The following ZNF778 variants were observed in gnomAD, a reference collection of about 807,000 sequenced individuals.
ZNF778 encodes zinc finger protein 778.
Under a neutral mutation model 23.9 loss-of-function variants are expected in ZNF778, and 37 were observed. The observed-to-expected ratio is 1.54, with a 90% CI of 1.19 to 2.03. The LOEUF (loss-of-function observed/expected upper bound fraction) is 2.03. Ranked by LOEUF, ZNF778 falls within the 30% of genes most tolerant of loss-of-function variation. The pLI is 0.00. For synonymous variants in ZNF778, 483 were observed against 343.9 expected (o/e 1.40, Z -4.48); for missense variants, 1,297 against 934.4 (o/e 1.39, Z -5.06).
rs2031810355 is a variant in ZNF778 at position 89,229,752 on chromosome 16, G to A, written c.*1190G>A. 1 of 984,110 alleles carries A rather than the reference G, an allele frequency of 1.0e-6. No individual in the cohort carries two copies. The highest frequency in any genetic ancestry group is 1.8e-5 in the African/African-American group (1 of 56,734). The allele number at this position is 984,110 out of a possible 1,614,324, so 61.0% of individuals were successfully genotyped here. On this transcript the variant is annotated 3_prime_UTR_variant, in exon 7 of 7. Transcript: ENST00000433976. Reference sequence around the variant, plus strand: ...GTGTGAGCAGCGTAGGCTCTGGTTGGTTAGTCTTGAGGATCCAGATGTGAT... The same window carrying A: ...GTGTGAGCAGCGTAGGCTCTGGTTGATTAGTCTTGAGGATCCAGATGTGAT...
At chr16:89,224,612 CTG>C in intron 4 of ZNF778, 105 bp from the exon 5 acceptor site, 2 of 809,820 alleles carry the variant, frequency 2.5e-6, no homozygotes, top group South Asian at 3.0e-5. Context: ...GCGCGAGACG[CTG>C]TCTCAAAAAA....
In ZNF778 at chr16:89,221,878, C is replaced by T. The variant is rs574885162; in HGVS notation, c.26-214C>T. ...TGGCTGTGTGTGTGTGTGTGTTTTC[C>T]TGAGGTACTGTATGGCTTTGTGTGT... is the stretch of plus-strand genomic sequence containing the variant. On this transcript the variant is annotated intron_variant, in intron 2 of 6. Transcript: ENST00000433976. Among the ~76,000 whole-genome samples the T allele has an allele frequency of 3.5e-4, 53 of 150,876 alleles. No individual in the cohort carries two copies. In the South Asian group the frequency reaches 9.8e-3, roughly 28 times the overall value.
chr16:89,226,625 C>T (rs902952612), intron 6 of ZNF778, 69 bp from the exon 7 acceptor site: 7 of 1,385,464 alleles, frequency 5.1e-6, no homozygotes, highest in Non-Finnish European at 6.9e-6. Context: ...CATGCTCTGT[C>T]TTCAGCTGGG....
rs532208293 is a variant in ZNF778 at position 89,236,508 on chromosome 16, C to T, written c.*7946C>T. On this transcript the variant is annotated 3_prime_UTR_variant, in exon 7 of 7. Coordinates refer to ENST00000433976, the MANE Select transcript of ZNF778 (RefSeq NM_001201407.2). The stretch of plus-strand genomic sequence containing the variant: ...GGTTACAGAAAACTCTTAAGGAAAC[C>T]TGGAACAAAGGAAAAGCAATAGAAG... 3 of 152,076 alleles carry T rather than the reference C, an allele frequency of 2.0e-5. No homozygotes were observed. Among genetic ancestry groups the T allele is most frequent in the Non-Finnish European group, 4.4e-5 (3 of 68,022 alleles). The allele number at this position is 152,076 out of a possible 1,614,324, so 9.4% of individuals were successfully genotyped here.
chr16:89,232,818 A>T lies in ZNF778; in HGVS notation c.*4256A>T, dbSNP rs761759522. 1.9e-5 allele frequency: 25 copies of T among 1,288,854 alleles called. No homozygotes were observed. The highest frequency in any genetic ancestry group is 2.1e-5 in the Non-Finnish European group (21 of 988,812). 79.8% of individuals were successfully genotyped at this position (1,288,854 alleles called of 1,614,324 possible). On this transcript the variant is annotated 3_prime_UTR_variant, in exon 7 of 7. Coordinates refer to ENST00000433976, the MANE Select transcript of ZNF778 (RefSeq NM_001201407.2). ...ATCAACTCACTGCATATGCAACTCA[A>T]CTCACACCGTATATGCAACTCAACT...
rs2151644074 is a variant in ZNF778, at chr16:89,236,681, A to G, written c.*8119A>G. 6.6e-6 allele frequency: 1 copy of G among 152,360 alleles called. No individual in the cohort carries two copies. The allele number at this position is 152,360 out of a possible 1,614,324, so 9.4% of individuals were successfully genotyped here. ...AACTACAACATGAAGGTGAGGGGCA[A>G]CGTGGCTGGACGGCGTGGAGGTTCC... On this transcript the variant is annotated 3_prime_UTR_variant, in exon 7 of 7. Transcript: ENST00000433976.
chr16:89,234,005 C>T lies in ZNF778; in HGVS notation c.*5443C>T. ...CTTCATCCTGCCCTGTCCTGCCTTT[C>T]CTGTGAAAACCCTGTGGCCTCTGCC... On this transcript the variant is annotated 3_prime_UTR_variant, in exon 7 of 7. Transcript: ENST00000433976. The T allele has an allele frequency of 8.6e-7, 1 of 1,167,488 alleles. No individual in the cohort carries two copies. Among genetic ancestry groups the T allele is most frequent in the Non-Finnish European group, 1.1e-6 (1 of 877,526 alleles). 72.3% of individuals were successfully genotyped at this position (1,167,488 alleles called of 1,614,324 possible).
rs1278959831 is a variant in ZNF778 at position 89,233,511 on chromosome 16, T to C, written c.*4949T>C. 2.8e-5 allele frequency: 35 copies of C among 1,254,334 alleles called. No homozygotes were observed. Among genetic ancestry groups the C allele is most frequent in the African/African-American group, 1.0e-4 (6 of 59,912 alleles). The allele number at this position is 1,254,334 out of a possible 1,614,324, so 77.7% of individuals were successfully genotyped here. A position where few individuals can be genotyped will look rare whatever the true frequency, so the allele number is the denominator to read the frequency against. The stretch of plus-strand genomic sequence containing the variant: ...TGCGTATGCAACTCAGCTTGCTCTG[T>C]GTATGCAACTCAACTCGCACTGCGT... On this transcript the variant is annotated 3_prime_UTR_variant, in exon 7 of 7. Coordinates refer to ENST00000433976, the MANE Select transcript of ZNF778 (RefSeq NM_001201407.2).
Position 89,233,867 on chromosome 16 carries a change from C to T in ZNF778, c.*5305C>T, listed in dbSNP as rs764416540. On this transcript the variant is annotated 3_prime_UTR_variant, in exon 7 of 7. Transcript: ENST00000433976. ...GGCCACTTCCTTTTTCTAACTACCACACCAAGCCAGTATTTCTCCTCCCTG... is the reference window on the plus strand; with the variant it reads ...GGCCACTTCCTTTTTCTAACTACCATACCAAGCCAGTATTTCTCCTCCCTG... The T allele has an allele frequency of 3.1e-6, 4 of 1,289,964 alleles. No individual in the cohort carries two copies. Among genetic ancestry groups the T allele is most frequent in the Non-Finnish European group, 4.0e-6 (4 of 989,196 alleles). The allele number at this position is 1,289,964 out of a possible 1,614,324, so 79.9% of individuals were successfully genotyped here.
chr16:89,221,331 G>C (rs1345529202), intron 2 of ZNF778, among the ~76,000 whole-genome samples, 179 bp downstream of exon 2: 1 of 152,190 alleles, frequency 6.6e-6, no homozygotes, highest in East Asian at 1.9e-4. Context: ...TTTGGGGAGG[G>C]ATGATGTGTA....
In ZNF778 at chr16:89,227,662, C is replaced by T. The variant is rs1398653105; in HGVS notation, c.1374C>T (p.Phe458=). ...CGTGTAAGGACTGCGGGAAAGCCTT[C>T]TGTACATCCTCGGGCCTTACTGAGC... The part of the protein sequence containing the change: ...PYTCKDCGKA[F]CTSSGLTEHV... Residue 458 remains phenylalanine (F), a synonymous_variant, in exon 7 of 7, where the codon TTC becomes TTT. Transcript: ENST00000433976. 13 of 1,614,166 alleles carry T rather than the reference C, an allele frequency of 8.1e-6. No homozygotes were observed. The highest frequency in any genetic ancestry group is 1.1e-5 in the Non-Finnish European group (13 of 1,180,014).
In ZNF778 at chr16:89,227,606, G is replaced by C; in HGVS notation, c.1318G>C (p.Val440Leu). The change falls in exon 7 of 7, where the codon GTA becomes CTA. Residue 440 changes from valine to leucine, a missense_variant. Transcript: ENST00000433976. ...TGTGCGCTGTGGCCTTACTAGACAC[G>C]TACGAACACACACGGGCGAGAAGCC... ...FTVRCGLTRHVRTHTGEKPYT... is the reference protein window; with the variant it reads ...FTVRCGLTRHLRTHTGEKPYT... 6.2e-7 allele frequency: 1 copy of C among 1,614,102 alleles called. No homozygotes were observed. The highest frequency in any genetic ancestry group is 8.5e-7 in the Non-Finnish European group (1 of 1,180,002).
Position 89,227,447 on chromosome 16 carries a change from C to CA in ZNF778, c.1160dup (p.His387GlnfsTer17), listed in dbSNP as rs1448082268. On this transcript the variant is annotated frameshift_variant, in exon 7 of 7. Coordinates refer to ENST00000433976, the MANE Select transcript of ZNF778 (RefSeq NM_001201407.2). LOFTEE classifies it low-confidence loss of function (END_TRUNC). ...TCTACTGAATGAGCATGGAAAAACT[C>CA]ACACGAGGGAGAAGCCCTTTGCATG... 1.9e-6 allele frequency: 3 copies of CA among 1,613,770 alleles called. No individual in the cohort carries two copies. The highest frequency in any genetic ancestry group is 8.5e-7 in the Non-Finnish European group (1 of 1,179,880).
intron 5 of ZNF778, among the ~76,000 whole-genome samples, chr16:89,225,088 T>A (rs1197791847): frequency 7.0e-6 from 1 of 143,718 alleles, no homozygotes; most frequent in East Asian, 2.0e-4. Flanking sequence ...AAAAACCTGC[T>A]GTTTTGTTCT....
rs2031636150 is a variant in ZNF778 at position 89,227,844 on chromosome 16, G to A, written c.1556G>A (p.Gly519Asp). ...GGCAAAGCCTTCACAGGGCGCTCAGGCCTCACTAAACACATGCGGACACAC... is the reference window on the plus strand; with the variant it reads ...GGCAAAGCCTTCACAGGGCGCTCAGACCTCACTAAACACATGCGGACACAC... ...QCGKAFTGRS[G>D]LTKHMRTHTG... Residue 519 changes from glycine to aspartate, a missense_variant, in exon 7 of 7, where the codon GGC becomes GAC. Physicochemically the swap from Gly to Asp is moderately conservative, Grantham distance 94. Coordinates refer to ENST00000433976, the MANE Select transcript of ZNF778 (RefSeq NM_001201407.2). 6.2e-7 allele frequency: 1 copy of A among 1,613,786 alleles called. No individual in the cohort carries two copies. The highest frequency in any genetic ancestry group is 1.3e-5 in the African/African-American group (1 of 74,856).
rs976719573 is a variant in ZNF778 at position 89,229,564 on chromosome 16, A to T, written c.*1002A>T. The T allele has an allele frequency of 1.0e-6, 1 of 970,270 alleles. No individual in the cohort carries two copies. The highest frequency in any genetic ancestry group is 2.0e-5 in the African/African-American group (1 of 49,844). 60.1% of individuals were successfully genotyped at this position (970,270 alleles called of 1,614,324 possible). A position where few individuals can be genotyped will look rare whatever the true frequency, so the allele number is the denominator to read the frequency against. On this transcript the variant is annotated 3_prime_UTR_variant, in exon 7 of 7. Coordinates refer to ENST00000433976, the MANE Select transcript of ZNF778 (RefSeq NM_001201407.2). ...GGTTAGTCTTGAGGATCCAGATGTG[A>T]TTCTGTGAGCAGCGTAGGCTCTGGT...
chr16:89,220,289 G>A (rs56051960), intron 1 of ZNF778, among the ~76,000 whole-genome samples: 1 of 152,096 alleles, frequency 6.6e-6, no homozygotes, highest in Admixed American at 6.5e-5. Context: ...TCACCTCATC[G>A]GTAGAATAAG....
rs1395385853 is a variant in ZNF778, at chr16:89,229,425, C to T, written c.*863C>T. 1 of 975,356 alleles carries T rather than the reference C, an allele frequency of 1.0e-6. No homozygotes were observed. Among genetic ancestry groups the T allele is most frequent in the Non-Finnish European group, 1.2e-6 (1 of 826,314 alleles). 60.4% of individuals were successfully genotyped at this position (975,356 alleles called of 1,614,324 possible). On this transcript the variant is annotated 3_prime_UTR_variant, in exon 7 of 7. Transcript: ENST00000433976. ...GATGTGATTCTGTGAGCAGTGTAGGCTCTGGTTGGTTAGTCTTGAGGATGC... is the reference window on the plus strand; with the variant it reads ...GATGTGATTCTGTGAGCAGTGTAGGTTCTGGTTGGTTAGTCTTGAGGATGC...
Position 89,227,588 on chromosome 16 carries a change from T to G in ZNF778, c.1300T>G (p.Cys434Gly). The change falls in exon 7 of 7, where the codon TGT becomes GGT. Residue 434 changes from cysteine (C) to glycine (G), a missense_variant. By Grantham distance (159) the Cys-to-Gly change is radical. Coordinates refer to ENST00000433976, the MANE Select transcript of ZNF778 (RefSeq NM_001201407.2). ...SYCGKAFTVR[C>G]GLTRHVRTHT... ...CTGTGGGAAGGCCTTCACTGTGCGC[T>G]GTGGCCTTACTAGACACGTACGAAC... 6.2e-7 allele frequency: 1 copy of G among 1,614,184 alleles called. No homozygotes were observed. Among genetic ancestry groups the G allele is most frequent in the Non-Finnish European group, 8.5e-7 (1 of 1,180,022 alleles).
Sources: allele counts gnomAD v4.1 joint callset (sites outside exome capture counted in the v4.1 genomes callset), GRCh38; gene constraint gnomAD v4.1.1; transcripts MANE v1.5; gene names NCBI Gene and HGNC (gene_info 2026-07-23, HGNC 2026-07-21).